The following DCLK1 variants were observed in gnomAD, a reference collection of about 807,000 sequenced individuals.
The protein encoded by DCLK1 is doublecortin like kinase 1, also known as serine/threonine-protein kinase DCLK1.
Under a neutral mutation model 86.2 loss-of-function variants are expected in DCLK1, and 16 were observed. The observed-to-expected ratio is 0.19, with a 90% CI of 0.13 to 0.28. The LOEUF (loss-of-function observed/expected upper bound fraction) is 0.28, where lower values mean the gene tolerates loss of function less well. Ranked by LOEUF, DCLK1 falls within the 10% of genes least tolerant of loss-of-function variation. DCLK1 has a pLI of 1.00. For synonymous variants in DCLK1, 369 were observed against 370.5 expected, an observed-to-expected ratio of 1.00 and a Z score of 0.05; for missense variants, 590 against 940.2, an observed-to-expected ratio of 0.63 and a Z score of 4.87.
chr13:35,786,087 T>C (rs564754629), intron 16 of DCLK1, among the ~76,000 whole-genome samples: 1 of 152,320 alleles, frequency 6.6e-6, no homozygotes, highest in Non-Finnish European at 1.5e-5. Flanking sequence ...CATCTGCTCC[T>C]GCCCATTATT....
chr13:35,970,746 T>G (rs990896763), intron 3 of DCLK1, among the ~76,000 whole-genome samples: 1 of 152,200 alleles, frequency 6.6e-6, no homozygotes, highest in South Asian at 2.1e-4. Context: ...AAATTTCTAT[T>G]CTTTATAAAT....
In DCLK1 at chr13:36,103,013, T is replaced by A. The variant is rs563681572; in HGVS notation, c.723+8856A>T. On this transcript the variant is annotated intron_variant, in intron 3 of 16. Coordinates refer to ENST00000360631, the MANE Select transcript of DCLK1 (RefSeq NM_001330071.2). Reference sequence around the variant, plus strand: ...TTTCCCACATAAATGTGCAGACTCATGTGAAGGTGCCAGCAAGGAGCCAAA... The same window carrying A: ...TTTCCCACATAAATGTGCAGACTCAAGTGAAGGTGCCAGCAAGGAGCCAAA... Among the ~76,000 whole-genome samples the A allele has an allele frequency of 1.2e-3, 177 of 152,312 alleles. 1 individual carries two copies. The highest frequency in any genetic ancestry group is 4.1e-3 in the African/African-American group (170 of 41,580).
At chr13:35,957,831 GTCT>G (rs1242697884) in intron 3 of DCLK1, among the ~76,000 whole-genome samples, 1 of 125,696 alleles carries the variant, frequency 8.0e-6, no homozygotes, top group Non-Finnish European at 1.7e-5. Context: ...GTGCAAATTA[GTCT>G]TCTTAAGTAA....
intron 3 of DCLK1, among the ~76,000 whole-genome samples, chr13:35,951,270 CATGGATGGATGGATGGATGG>C (rs113236728): frequency 1.5e-4 from 22 of 145,400 alleles, no homozygotes; most frequent in African/African-American, 4.8e-4. Context: ...TGGATGGATG[CATGGATGGATGGATGGATGG>C]ATGGATGGAT....
At chr13:35,925,532 T>C (rs1876065896) in intron 4 of DCLK1, among the ~76,000 whole-genome samples, 1 of 152,216 alleles carries the variant, frequency 6.6e-6, no homozygotes, top group Non-Finnish European at 1.5e-5. Context: ...TTAAAAATAA[T>C]GATATCAATC....
At chr13:35,890,645 C>T (rs1313924779) in intron 4 of DCLK1, among the ~76,000 whole-genome samples, 1 of 152,138 alleles carries the variant, frequency 6.6e-6, no homozygotes, top group African/African-American at 2.4e-5. Flanking sequence ...AAAATTTTGA[C>T]AGATGGATGC....
chr13:35,800,144 C>T (rs1050880527), intron 15 of DCLK1, among the ~76,000 whole-genome samples: 1 of 152,208 alleles, frequency 6.6e-6, no homozygotes, highest in African/African-American at 2.4e-5. Context: ...ACATTAATCA[C>T]AATTTGCATT....
At chr13:36,003,494 A>C (rs1410635207) in intron 3 of DCLK1, among the ~76,000 whole-genome samples, 2 of 152,236 alleles carry the variant, frequency 1.3e-5, no homozygotes, top group African/African-American at 4.8e-5. Flanking sequence ...ATAGGTTATC[A>C]TAAGGATATA....
rs74044329 is a variant in DCLK1 at position 36,030,646 on chromosome 13, C to A, written c.723+81223G>T. On this transcript the variant is annotated intron_variant, in intron 3 of 16. Transcript: ENST00000360631. ...ACACTGAGTCTGGATAGTACTTGACCATTAGGGAACAGTATCTTCATTATT... is the reference window on the plus strand; with the variant it reads ...ACACTGAGTCTGGATAGTACTTGACAATTAGGGAACAGTATCTTCATTATT... Among the ~76,000 whole-genome samples the A allele has an allele frequency of 4.1e-3, 617 of 152,030 alleles. 9 individuals carry two copies. The highest frequency in any genetic ancestry group is 0.014 in the African/African-American group (590 of 41,450).
chr13:36,077,682 A>G (rs532653443), intron 3 of DCLK1, among the ~76,000 whole-genome samples: 1 of 152,320 alleles, frequency 6.6e-6, no homozygotes, highest in South Asian at 2.1e-4. Flanking sequence ...ACTTGGGGGA[A>G]TGCAGTAAGA....
chr13:36,064,678 A>C (rs1264778400), intron 3 of DCLK1, among the ~76,000 whole-genome samples: 1 of 151,568 alleles, frequency 6.6e-6, no homozygotes, highest in Non-Finnish European at 1.5e-5. Flanking sequence ...AAAAGAAAGA[A>C]AGTCAGGGGA....
chr13:36,095,190 T>TTTTTG (rs1168270832), intron 3 of DCLK1, among the ~76,000 whole-genome samples: 12 of 151,738 alleles, frequency 7.9e-5, no homozygotes, highest in Non-Finnish European at 1.3e-4. Flanking sequence ...TTTTTTGTTT[T>TTTTTG]TTTTGTTTTG....
intron 3 of DCLK1, among the ~76,000 whole-genome samples, chr13:36,001,224 A>G (rs1026063079): frequency 6.6e-6 from 1 of 152,232 alleles, no homozygotes; most frequent in Admixed American, 6.5e-5. Context: ...CTGGGATTAT[A>G]GGCGTGAGCC....
rs964702886 is a variant in DCLK1 at position 35,768,787 on chromosome 13, G to A, written c.*5748C>T. The A allele has an allele frequency of 1.3e-5, 2 of 152,250 alleles. No homozygotes were observed. The highest frequency in any genetic ancestry group is 2.9e-5 in the Non-Finnish European group (2 of 68,046). The allele number at this position is 152,250 out of a possible 1,614,324, so 9.4% of individuals were successfully genotyped here. A position where few individuals can be genotyped will look rare whatever the true frequency, so the allele number is the denominator to read the frequency against. On this transcript the variant is annotated 3_prime_UTR_variant, in exon 17 of 17. Coordinates refer to ENST00000360631, the MANE Select transcript of DCLK1 (RefSeq NM_001330071.2). ...ATACACACTGTGCTATGGAGGACATGTGGGAAAGCTACACTCTGACCGCAT... is the reference window on the plus strand; with the variant it reads ...ATACACACTGTGCTATGGAGGACATATGGGAAAGCTACACTCTGACCGCAT...
chr13:36,000,170 C>A (rs1033485354), intron 3 of DCLK1, among the ~76,000 whole-genome samples: 1 of 152,198 alleles, frequency 6.6e-6, no homozygotes, highest in Admixed American at 6.5e-5. Flanking sequence ...TTAAACCCCA[C>A]ACAATCTAAG....
At chr13:36,045,366 A>ATC (rs1263197065) in intron 3 of DCLK1, among the ~76,000 whole-genome samples, 36 of 133,630 alleles carry the variant, frequency 2.7e-4, no homozygotes, top group East Asian at 6.5e-4. Context: ...ATATATATAT[A>ATC]TATATATATA....
rs2086310211 is a variant in DCLK1 at position 35,770,428 on chromosome 13, C to T, written c.*4107G>A. 1 of 152,152 alleles carries T rather than the reference C, an allele frequency of 6.6e-6. No individual in the cohort carries two copies. The highest frequency in any genetic ancestry group is 6.5e-5 in the Admixed American group (1 of 15,282). The allele number at this position is 152,152 out of a possible 1,614,324, so 9.4% of individuals were successfully genotyped here. On this transcript the variant is annotated 3_prime_UTR_variant, in exon 17 of 17. Transcript: ENST00000360631. ...TTTCCCCAACAGACTAGAATGGCTC[C>T]ATGAAATTTGACAATTAAGTAAGGA...
intron 4 of DCLK1, among the ~76,000 whole-genome samples, chr13:35,937,727 C>A: frequency 6.6e-6 from 1 of 152,082 alleles, no homozygotes; most frequent in East Asian, 1.9e-4. Context: ...GACAATTTTT[C>A]TAAAAAAACT....
intron 3 of DCLK1, among the ~76,000 whole-genome samples, chr13:35,977,540 T>A (rs114326254): frequency 1.7e-3 from 256 of 152,312 alleles, no homozygotes; most frequent in African/African-American, 6.0e-3. Flanking sequence ...AGTACAGAAA[T>A]GCACACATTT....
Sources: allele counts gnomAD v4.1 joint callset (sites outside exome capture counted in the v4.1 genomes callset), GRCh38; gene constraint gnomAD v4.1.1; transcripts MANE v1.5; gene names NCBI Gene and HGNC (gene_info 2026-07-23, HGNC 2026-07-21).